AGBL1: variants seen among roughly 807,000 people sequenced by gnomAD.
The protein encoded by AGBL1 is cytosolic carboxypeptidase 4.
Under a neutral mutation model 118.9 loss-of-function variants are expected in AGBL1, and 130 were observed. That is an observed-to-expected ratio of 1.09 (90% CI 0.95 to 1.26). AGBL1 has a LOEUF of 1.26. Ranked by LOEUF, AGBL1 falls within the 50% of genes most tolerant of loss-of-function variation. AGBL1 has a pLI of 0.00. For synonymous variants in AGBL1, 555 were observed against 478.9 expected (o/e 1.16, Z -2.08); for missense variants, 1,584 against 1,298.1 (o/e 1.22, Z -3.38).
downstream of AGBL1, among the ~76,000 whole-genome samples, chr15:87,029,795 T>C (rs2141817586): frequency 6.6e-6 from 1 of 151,870 alleles, no homozygotes; most frequent in East Asian, 1.9e-4. Context: ...AGACATAGAA[T>C]AAGGTGCACA....
intron 18 of AGBL1, among the ~76,000 whole-genome samples, chr15:86,442,121 G>A (rs2082071400): frequency 6.6e-6 from 1 of 152,230 alleles, no homozygotes; most frequent in Non-Finnish European, 1.5e-5. Context: ...AAGGAGCCGG[G>A]AGGCTGTGCC....
intron 15 of AGBL1, among the ~76,000 whole-genome samples, chr15:86,279,248 G>A (rs1188191598): frequency 6.6e-6 from 1 of 152,226 alleles, no homozygotes; most frequent in African/African-American, 2.4e-5. Flanking sequence ...GAGAGATAGG[G>A]ATTGGGGGAA....
intron 19 of AGBL1, among the ~76,000 whole-genome samples, chr15:86,530,714 G>A (rs2083337822): frequency 6.7e-6 from 1 of 149,744 alleles, no homozygotes; most frequent in Admixed American, 6.6e-5. Flanking sequence ...TGGAAGTAAA[G>A]TTCTCCTCAG....
intron 22 of AGBL1, among the ~76,000 whole-genome samples, chr15:86,772,407 T>A (rs2078194882): frequency 6.6e-6 from 1 of 152,110 alleles, no homozygotes; most frequent in Admixed American, 6.6e-5. Context: ...GATCATCAGT[T>A]TACATTTTAT....
chr15:86,213,754 A>G (rs953144922), intron 5 of AGBL1, among the ~76,000 whole-genome samples: 1 of 152,228 alleles, frequency 6.6e-6, no homozygotes, highest in Non-Finnish European at 1.5e-5. Flanking sequence ...TTTTTTTATT[A>G]TAAAAGATAC....
At chr15:86,723,510 T>G (rs949577772) in intron 22 of AGBL1, among the ~76,000 whole-genome samples, 1 of 150,526 alleles carries the variant, frequency 6.6e-6, no homozygotes, top group Non-Finnish European at 1.5e-5. Context: ...TATTGTGGAG[T>G]GGGGTGAGGG....
At chr15:86,238,676 A>G (rs1243242963) in intron 6 of AGBL1, among the ~76,000 whole-genome samples, 4 of 152,354 alleles carry the variant, frequency 2.6e-5, no homozygotes, top group Admixed American at 1.3e-4. Context: ...CCTTAATTTC[A>G]GAAATGCTAA....
intron 22 of AGBL1, among the ~76,000 whole-genome samples, chr15:86,821,414 C>T (rs914325870): frequency 3.9e-5 from 6 of 152,000 alleles, no homozygotes; most frequent in Non-Finnish European, 8.8e-5. Flanking sequence ...GCTAAGAATA[C>T]ATTTATTCGA....
chr15:86,720,419 C>T (rs1324944750), intron 22 of AGBL1, among the ~76,000 whole-genome samples: 1 of 152,164 alleles, frequency 6.6e-6, no homozygotes, highest in Non-Finnish European at 1.5e-5. Flanking sequence ...GTTCTTAATG[C>T]TACCACTGTA....
chr15:86,802,423 T>C (rs1235966877), intron 22 of AGBL1, among the ~76,000 whole-genome samples: 1 of 152,114 alleles, frequency 6.6e-6, no homozygotes, highest in Non-Finnish European at 1.5e-5. Flanking sequence ...CTGATTCATT[T>C]CCAGTGGACA....
At chr15:86,702,586 G>C (rs1192024487) in intron 22 of AGBL1, among the ~76,000 whole-genome samples, 2 of 151,996 alleles carry the variant, frequency 1.3e-5, no homozygotes, top group Non-Finnish European at 2.9e-5. Context: ...CTTTCAACAG[G>C]GACACCACAC....
intron 5 of AGBL1, among the ~76,000 whole-genome samples, chr15:86,186,851 G>T (rs907316539): frequency 1.3e-5 from 2 of 152,178 alleles, no homozygotes; most frequent in African/African-American, 4.8e-5. Context: ...GAGCCTGAGA[G>T]AAATTTGGTA....
chr15:86,563,185 G>A (rs1297794743), intron 21 of AGBL1, among the ~76,000 whole-genome samples: 4 of 152,018 alleles, frequency 2.6e-5, no homozygotes. Flanking sequence ...CCTTCTGCTA[G>A]CTTTTGAATG....
rs115605941 is a variant in AGBL1, at chr15:86,263,373, G to A, written c.1086+479G>A. Among the ~76,000 whole-genome samples the A allele has an allele frequency of 1.8e-3, 280 of 152,278 alleles. 2 individuals are homozygous for A. The highest frequency in any genetic ancestry group is 6.5e-3 in the African/African-American group (269 of 41,542). On this transcript the variant is annotated intron_variant, in intron 10 of 22. Transcript: ENST00000614907. ...GTACACCGTAGGCTAAACCATCTAA[G>A]TTGGTGTAAGCACACCCTATGATGT...
At chr15:86,768,301 A>C (rs979401715) in intron 22 of AGBL1, among the ~76,000 whole-genome samples, 16 of 151,976 alleles carry the variant, frequency 1.1e-4, no homozygotes, top group Non-Finnish European at 1.5e-4. Flanking sequence ...GTTTAACATA[A>C]CATAATATAA....
At chr15:86,634,266 T>C (rs1325087523) in intron 21 of AGBL1, among the ~76,000 whole-genome samples, 3 of 152,126 alleles carry the variant, frequency 2.0e-5, no homozygotes, top group Non-Finnish European at 4.4e-5. Flanking sequence ...TGTATGTAGG[T>C]ATTTATAGCA....
At chr15:86,776,040 T>C (rs35714870) in intron 22 of AGBL1, among the ~76,000 whole-genome samples, 8,552 of 152,252 alleles carry the variant, frequency 0.056, 280 homozygotes, top group Middle Eastern at 0.11. Context: ...ACCTAAATTG[T>C]AGCTGACAAT....
chr15:86,233,956 C>T (rs1376376284), intron 6 of AGBL1, among the ~76,000 whole-genome samples: 1 of 152,118 alleles, frequency 6.6e-6, no homozygotes, highest in Non-Finnish European at 1.5e-5. Flanking sequence ...TCCAACACAG[C>T]TGTGGATGGT....
chr15:86,351,693 A>C (rs942801436), intron 17 of AGBL1, among the ~76,000 whole-genome samples: 2 of 152,108 alleles, frequency 1.3e-5, no homozygotes, highest in African/African-American at 4.8e-5. Flanking sequence ...TTTTTTTATA[A>C]GTTTACATCC....
Sources: gnomAD v4.1 joint callset for allele counts (sites outside exome capture counted in the v4.1 genomes callset) on GRCh38, gnomAD v4.1.1 for gene constraint, MANE v1.5 for transcripts, NCBI Gene and HGNC (gene_info 2026-07-23, HGNC 2026-07-21) for gene names.